SH3RF1: variants seen among roughly 807,000 people sequenced by gnomAD.
SH3RF1 encodes E3 ubiquitin-protein ligase SH3RF1.
In SH3RF1, 32 loss-of-function variants were observed where a neutral mutation model predicts 74.0. The ratio of observed to expected loss-of-function variants is 0.43; its 90% CI spans 0.33 to 0.58. SH3RF1 has a LOEUF of 0.58. Among genes scored for constraint, SH3RF1 ranks in the 20% least tolerant of loss-of-function variants. The pLI is 0.05. For synonymous variants in SH3RF1, 396 were observed against 439.6 expected, an observed-to-expected ratio of 0.90 and a Z score of 1.24; for missense variants, 954 against 1,130.9, an observed-to-expected ratio of 0.84 and a Z score of 2.24.
intron 2 of SH3RF1, among the ~76,000 whole-genome samples, chr4:169,260,117 G>C (rs1330729844): frequency 6.6e-6 from 1 of 152,162 alleles, no homozygotes; most frequent in Non-Finnish European, 1.5e-5. Flanking sequence ...GTGTGCAAAG[G>C]AGAGCTGGGG....
intron 2 of SH3RF1, among the ~76,000 whole-genome samples, chr4:169,255,636 C>T (rs908554869): frequency 6.7e-6 from 1 of 150,182 alleles, no homozygotes; most frequent in East Asian, 2.1e-4. Flanking sequence ...CACACACACA[C>T]ACACACACAC....
intron 4 of SH3RF1, among the ~76,000 whole-genome samples, chr4:169,139,112 C>T (rs1733744486): frequency 6.6e-6 from 1 of 152,138 alleles, no homozygotes; most frequent in African/African-American, 2.4e-5. Context: ...ACACCACACC[C>T]AGCTAATTTT....
intron 6 of SH3RF1, among the ~76,000 whole-genome samples, chr4:169,125,631 C>T (rs1733513022): frequency 6.6e-6 from 1 of 152,224 alleles, no homozygotes; most frequent in African/African-American, 2.4e-5. Context: ...CCCTCACACA[C>T]TCCCAGGGTA....
At chr4:169,143,441 C>T (rs1343800076) in intron 4 of SH3RF1, among the ~76,000 whole-genome samples, 1 of 152,158 alleles carries the variant, frequency 6.6e-6, no homozygotes, top group Non-Finnish European at 1.5e-5. Context: ...GCGACATGTG[C>T]ATTGGATGGC....
intron 2 of SH3RF1, among the ~76,000 whole-genome samples, chr4:169,190,480 G>C (rs952732232): frequency 2.0e-5 from 3 of 151,886 alleles, no homozygotes; most frequent in African/African-American, 7.3e-5. Flanking sequence ...AGAGGAGATG[G>C]ATAAATTTCT....
chr4:169,133,918 C>T (rs1230416209), intron 5 of SH3RF1, among the ~76,000 whole-genome samples: 1 of 152,202 alleles, frequency 6.6e-6, no homozygotes, highest in Admixed American at 6.5e-5. Context: ...CTTTGCTGGG[C>T]AGGGGAAAAG....
intron 2 of SH3RF1, among the ~76,000 whole-genome samples, chr4:169,218,669 G>C (rs1410492775): frequency 1.3e-5 from 2 of 151,556 alleles, no homozygotes; most frequent in Non-Finnish European, 2.9e-5. Flanking sequence ...CTAAAATGCA[G>C]ATACAGCCAA....
intron 2 of SH3RF1, among the ~76,000 whole-genome samples, chr4:169,171,312 G>A (rs1359483768): frequency 6.6e-6 from 1 of 152,128 alleles, no homozygotes; most frequent in Non-Finnish European, 1.5e-5. Context: ...TTATGGTTGG[G>A]GGAACTGAAT....
At chr4:169,220,175 T>C (rs1035126061) in intron 2 of SH3RF1, 2 of 152,248 alleles carry the variant, frequency 1.3e-5, no homozygotes, top group Non-Finnish European at 2.9e-5. Context: ...AATAGTTTTG[T>C]TATAAAATGT....
chr4:169,113,474 T>G (rs985142747), intron 10 of SH3RF1, among the ~76,000 whole-genome samples: 6 of 152,124 alleles, frequency 3.9e-5, no homozygotes, highest in African/African-American at 1.4e-4. Flanking sequence ...AAAACAGTAT[T>G]AAACAAAAGA....
intron 2 of SH3RF1, among the ~76,000 whole-genome samples, chr4:169,233,248 CAAAAAAAAAA>C (rs372381759): frequency 3.0e-5 from 2 of 65,586 alleles, no homozygotes; most frequent in East Asian, 1.0e-3. Context: ...GACTCCATCT[CAAAAAAAAAA>C]AAAAAAAAAA....
At chr4:169,122,964 A>G (rs1027184915) in intron 6 of SH3RF1, among the ~76,000 whole-genome samples, 3 of 152,148 alleles carry the variant, frequency 2.0e-5, no homozygotes, top group Non-Finnish European at 4.4e-5. Context: ...TTGAAAATCA[A>G]TGGAGCAATT....
At chr4:169,263,583 A>G (rs1731312319) in intron 2 of SH3RF1, among the ~76,000 whole-genome samples, 1 of 152,092 alleles carries the variant, frequency 6.6e-6, no homozygotes, top group Non-Finnish European at 1.5e-5. Flanking sequence ...TACTTCCTTC[A>G]ATTCTTTCTG....
At chr4:169,190,112 C>T (rs1006193693) in intron 2 of SH3RF1, among the ~76,000 whole-genome samples, 4 of 152,152 alleles carry the variant, frequency 2.6e-5, no homozygotes, top group East Asian at 1.9e-4. Context: ...TAAACGCCTA[C>T]ATCAAAAAGT....
chr4:169,257,579 A>C (rs976010467), intron 2 of SH3RF1, among the ~76,000 whole-genome samples: 2 of 152,220 alleles, frequency 1.3e-5, no homozygotes, highest in African/African-American at 2.4e-5. Flanking sequence ...CTTTCAGCAT[A>C]ATAAATGCCC....
At chr4:169,242,857 C>T (rs542598172) in intron 2 of SH3RF1, among the ~76,000 whole-genome samples, 1 of 152,318 alleles carries the variant, frequency 6.6e-6, no homozygotes, top group African/African-American at 2.4e-5. Flanking sequence ...TTGGACTTCC[C>T]AGCCTCCAGA....
At chr4:169,104,564 G>A (rs936436114) in intron 11 of SH3RF1, among the ~76,000 whole-genome samples, 4 of 152,110 alleles carry the variant, frequency 2.6e-5, no homozygotes, top group African/African-American at 9.7e-5. Context: ...GTTTTAGGGG[G>A]TTAGAACTAT....
At chr4:169,259,487 A>G (rs1731241024) in intron 2 of SH3RF1, among the ~76,000 whole-genome samples, 2 of 152,178 alleles carry the variant, frequency 1.3e-5, no homozygotes, top group Admixed American at 6.5e-5. Flanking sequence ...AGCAACTGCT[A>G]CCATCCTCTT....
chr4:169,146,625 G>A (rs980312737), intron 4 of SH3RF1, among the ~76,000 whole-genome samples: 1 of 152,104 alleles, frequency 6.6e-6, no homozygotes, highest in African/African-American at 2.4e-5. Flanking sequence ...GCAAACAGGA[G>A]GAAAATTTCA....
Sources: gnomAD v4.1 joint callset for allele counts (sites outside exome capture counted in the v4.1 genomes callset) on GRCh38, gnomAD v4.1.1 for gene constraint, MANE v1.5 for transcripts, NCBI Gene and HGNC (gene_info 2026-07-23, HGNC 2026-07-21) for gene names.